ADAMTSL1: variants seen among roughly 807,000 people sequenced by gnomAD.
The protein encoded by ADAMTSL1 is ADAMTS-like protein 1.
Under a neutral mutation model 201.8 loss-of-function variants are expected in ADAMTSL1, and 126 were observed. The ratio of observed to expected loss-of-function variants is 0.62; its 90% CI spans 0.54 to 0.72. The LOEUF (loss-of-function observed/expected upper bound fraction) is 0.72. ADAMTSL1 is among the 30% of genes least tolerant of loss of function. The probability of loss-of-function intolerance (pLI) is 0.00; values close to 1 mark genes in which losing one functional copy is unlikely to be tolerated. For synonymous variants in ADAMTSL1, 1,121 were observed against 903.4 expected (o/e 1.24, Z -4.32); for missense variants, 2,679 against 2,277.8 (o/e 1.18, Z -3.59).
chr9:18,258,333 C>G (rs979873760), intron 2 of ADAMTSL1, among the ~76,000 whole-genome samples: 1 of 151,940 alleles, frequency 6.6e-6, no homozygotes, highest in African/African-American at 2.4e-5. Flanking sequence ...ATGAGGTAAA[C>G]GAGGAATTAT....
chr9:18,028,899 A>T lies in ADAMTSL1; in HGVS notation c.87+121977A>T, dbSNP rs185626250. ...TGATTCTTCCTACCCATGAGCATGG[A>T]ATGGTCTTCCATTTGTTTGTGTCGT... On this transcript the variant is annotated intron_variant, in intron 1 of 29. Transcript: ENST00000680146. 5.9e-5 allele frequency among the ~76,000 whole-genome samples: 9 copies of T among 152,246 alleles called. No homozygotes were observed. The East Asian group carries it at 1.7e-3, about 29-fold the overall frequency.
In ADAMTSL1 at chr9:18,080,879, G is replaced by A. The variant is rs544790470; in HGVS notation, c.88-82983G>A. Among the ~76,000 whole-genome samples the A allele has an allele frequency of 2.0e-5, 3 of 152,160 alleles. No homozygotes were observed. The East Asian group carries it at 5.8e-4, about 29-fold the overall frequency. ...CATAAAACTTATATTTTTAGAAAAAGCCTCTCATTATTTTAATGTTAGTCC... is the reference window on the plus strand; with the variant it reads ...CATAAAACTTATATTTTTAGAAAAAACCTCTCATTATTTTAATGTTAGTCC... On this transcript the variant is annotated intron_variant, in intron 1 of 29. Coordinates refer to the ADAMTSL1 transcript ENST00000680146.
At chr9:18,677,726 A>G (rs1195845151) in intron 10 of ADAMTSL1, among the ~76,000 whole-genome samples, 1 of 152,054 alleles carries the variant, frequency 6.6e-6, no homozygotes, top group Non-Finnish European at 1.5e-5. Flanking sequence ...TATTAAAACG[A>G]TCCTCCTGGG....
At chr9:18,701,602 A>G (rs1353405503) in intron 13 of ADAMTSL1, among the ~76,000 whole-genome samples, 3 of 152,168 alleles carry the variant, frequency 2.0e-5, no homozygotes, top group Admixed American at 2.0e-4. Context: ...ACTCACATAC[A>G]CAAACATACA....
intron 1 of ADAMTSL1, among the ~76,000 whole-genome samples, chr9:18,020,946 C>A (rs1820456319): frequency 1.3e-5 from 2 of 152,076 alleles, no homozygotes; most frequent in Admixed American, 6.6e-5. Flanking sequence ...AACTTCAATG[C>A]CACCCTTTAA....
At position 18,826,421 on chromosome 9, in the gene ADAMTSL1, C is replaced by T. The variant is rs1258103548; in HGVS notation, c.4072C>T (p.Leu1358Phe). 4 of 1,613,740 alleles carry T rather than the reference C, an allele frequency of 2.5e-6. No individual in the cohort carries two copies. Among genetic ancestry groups the T allele is most frequent in the Middle Eastern group, 1.6e-4 (1 of 6,084 alleles). Residue 1358 changes from leucine (L) to phenylalanine (F), a missense_variant, in exon 22 of 29, where the codon CTT becomes TTT. Transcript: ENST00000380548. ...QGLYSCRAANLHGELTESTQL... is the reference protein window; with the variant it reads ...QGLYSCRAANFHGELTESTQL... Reference sequence around the variant, plus strand: ...CCTGTACTCCTGCAGGGCGGCCAATCTTCATGGAGAGCTGACTGAGAGCAC... The same window carrying T: ...CCTGTACTCCTGCAGGGCGGCCAATTTTCATGGAGAGCTGACTGAGAGCAC...
intron 1 of ADAMTSL1, among the ~76,000 whole-genome samples, chr9:17,974,030 C>T (rs1053076837): frequency 3.9e-5 from 6 of 151,922 alleles, no homozygotes; most frequent in Middle Eastern, 3.4e-3. Context: ...CCTGAGACTT[C>T]GACAAAATTC....
intron 5 of ADAMTSL1, among the ~76,000 whole-genome samples, chr9:18,625,934 T>C (rs1341636328): frequency 2.0e-5 from 3 of 152,240 alleles, no homozygotes; most frequent in Non-Finnish European, 4.4e-5. Flanking sequence ...TGACGTATAA[T>C]GGCTATGGGT....
rs771075491 is a variant in ADAMTSL1, at chr9:18,817,120, G to A, written c.3817G>A (p.Val1273Met). Residue 1273 changes from valine to methionine, a missense_variant, in exon 21 of 29, where the codon GTG (valine) becomes ATG (methionine). Transcript: ENST00000380548. ...IAVTLAGKPL[V>M]KTSRMTVINT... ...TTTCTTATCTTCAGGAAAGCCACTA[G>A]TGAAAACGTCACGAATGACAGTGAT... The A allele has an allele frequency of 9.9e-6, 16 of 1,608,858 alleles. No homozygotes were observed. In the South Asian group the frequency reaches 1.8e-4, roughly 18 times the overall value.
chr9:18,338,524 G>A (rs930075909), intron 2 of ADAMTSL1, among the ~76,000 whole-genome samples: 13 of 151,968 alleles, frequency 8.6e-5, no homozygotes, highest in African/African-American at 3.1e-4. Context: ...ATTGCTCACT[G>A]CAGCCTTGAA....
chr9:18,291,747 TCA>T (rs368988848), intron 2 of ADAMTSL1, among the ~76,000 whole-genome samples: 7,261 of 98,932 alleles, frequency 0.073, 160 homozygotes, highest in Middle Eastern at 0.14. Context: ...TCTCTCTCTC[TCA>T]CACACACACA....
chr9:18,079,169 C>A (rs975317441), intron 1 of ADAMTSL1, among the ~76,000 whole-genome samples: 1 of 152,114 alleles, frequency 6.6e-6, no homozygotes, highest in Non-Finnish European at 1.5e-5. Context: ...TAGCAGTTCT[C>A]ACCCCAAAAA....
At chr9:18,051,849 A>G (rs1458890224) in intron 1 of ADAMTSL1, among the ~76,000 whole-genome samples, 1 of 152,210 alleles carries the variant, frequency 6.6e-6, no homozygotes, top group Non-Finnish European at 1.5e-5. Flanking sequence ...GACAAAAAAA[A>G]GTAGGTGACC....
intron 15 of ADAMTSL1, among the ~76,000 whole-genome samples, chr9:18,726,718 C>G (rs1411954041): frequency 6.6e-6 from 1 of 152,122 alleles, no homozygotes; most frequent in Non-Finnish European, 1.5e-5. Flanking sequence ...GCAATGAAAG[C>G]CAGATGCTGA....
At chr9:18,403,582 C>T (rs1053884864) in intron 2 of ADAMTSL1, among the ~76,000 whole-genome samples, 1 of 152,140 alleles carries the variant, frequency 6.6e-6, no homozygotes, top group Non-Finnish European at 1.5e-5. Context: ...ACATGGAAAA[C>T]TATCACTAAA....
chr9:18,242,707 C>A (rs1055448037), intron 2 of ADAMTSL1, among the ~76,000 whole-genome samples: 1 of 151,980 alleles, frequency 6.6e-6, no homozygotes, highest in African/African-American at 2.4e-5. Context: ...CATTTTTATA[C>A]ACAAATCACA....
At chr9:18,363,194 C>A (rs1438607160) in intron 2 of ADAMTSL1, among the ~76,000 whole-genome samples, 2 of 152,154 alleles carry the variant, frequency 1.3e-5, no homozygotes, top group African/African-American at 4.8e-5. Context: ...AAGTTAGTAC[C>A]TTTCTGTCTA....
intron 4 of ADAMTSL1, among the ~76,000 whole-genome samples, chr9:18,618,623 G>A (rs1825846385): frequency 6.6e-6 from 1 of 150,732 alleles, no homozygotes; most frequent in Non-Finnish European, 1.5e-5. Flanking sequence ...GTGCGGTTCA[G>A]GAAACAGGAT....
intron 2 of ADAMTSL1, among the ~76,000 whole-genome samples, chr9:18,293,543 G>T (rs1037422234): frequency 6.6e-6 from 1 of 152,176 alleles, no homozygotes; most frequent in African/African-American, 2.4e-5. Context: ...GGAGAATACC[G>T]AAAGGTATGC....
Sources: gnomAD v4.1 joint callset for allele counts (sites outside exome capture counted in the v4.1 genomes callset) on GRCh38, gnomAD v4.1.1 for gene constraint, MANE v1.5 for transcripts, NCBI Gene and HGNC (gene_info 2026-07-23, HGNC 2026-07-21) for gene names.